Variants in COL6A5 observed in about 807,000 individuals in gnomAD.
COL6A5 encodes collagen type VI alpha 5 chain.
Under a neutral mutation model 65.6 loss-of-function variants are expected in COL6A5, and 48 were observed. The ratio of observed to expected loss-of-function variants is 0.73; its 90% confidence interval spans 0.58 to 0.93. The LOEUF (loss-of-function observed/expected upper bound fraction) is 0.93. Ranked by LOEUF, COL6A5 falls within the 40% of genes least tolerant of loss-of-function variation. The probability of loss-of-function intolerance (pLI) is 0.00; values close to 1 mark genes in which losing one functional copy is unlikely to be tolerated. For synonymous variants in COL6A5, 291 were observed against 322.8 expected (o/e 0.90, Z 1.05); for missense variants, 914 against 928.3 (o/e 0.98, Z 0.20).
exon 1 of COL6A5, chr3:130,431,755 A>G (rs1171748313): frequency 7.1e-6 from 11 of 1,551,490 alleles, no homozygotes; most frequent in African/African-American, 5.5e-5. Context: ...TGGTAATGCA[A>G]TGAGGTTTGT....
chr3:130,409,994 A>G lies in COL6A5; in HGVS notation c.4543-15A>G. On this transcript the variant is annotated splice_polypyrimidine_tract_variant and intron_variant and NMD_transcript_variant, in intron 18 of 41. Coordinates refer to the COL6A5 transcript ENST00000312481. ...ATTTCTGGATTCTAAACTACTTTTAAAAATCTTTCTCTAGGGTAATCCAGG... is the reference window on the plus strand; with the variant it reads ...ATTTCTGGATTCTAAACTACTTTTAGAAATCTTTCTCTAGGGTAATCCAGG... 1 of 1,528,672 alleles carries G rather than the reference A, an allele frequency of 6.5e-7. No individual in the cohort carries two copies. The highest frequency in any genetic ancestry group is 8.9e-7 in the Non-Finnish European group (1 of 1,127,802). 94.7% of individuals were successfully genotyped at this position (1,528,672 alleles called of 1,614,324 possible).
At chr3:130,373,494 T>A in intron 1 of COL6A5, 117 bp from the exon 2 acceptor site, 1 of 607,436 alleles carries the variant, frequency 1.6e-6, no homozygotes, top group Non-Finnish European at 3.0e-6. Context: ...ATAAACACAC[T>A]TGGCACTGCT....
intron 3 of COL6A5, 64 bp from the exon 36 acceptor site, chr3:130,443,412 C>G: frequency 1.6e-6 from 2 of 1,243,852 alleles, no homozygotes; most frequent in Non-Finnish European, 2.3e-6. Context: ...TGTTGGGATT[C>G]TCTTTACCTA....
intron 3 of COL6A5, among the ~76,000 whole-genome samples, chr3:130,443,110 C>T (rs976009252): frequency 1.3e-5 from 2 of 152,164 alleles, no homozygotes; most frequent in Non-Finnish European, 2.9e-5. Flanking sequence ...TACCTTGTCT[C>T]TGTTTGATCC....
At chr3:130,436,889 A>G (rs564230429) in intron 1 of COL6A5, among the ~76,000 whole-genome samples, 3 of 152,206 alleles carry the variant, frequency 2.0e-5, no homozygotes, top group African/African-American at 4.8e-5. Context: ...AGGGTTTTAA[A>G]TGTCCTCAAT....
chr3:130,360,657 A>G (rs981746178), intron 1 of COL6A5, among the ~76,000 whole-genome samples: 7 of 152,114 alleles, frequency 4.6e-5, no homozygotes, highest in Admixed American at 2.0e-4. Flanking sequence ...AAGCAGGCCA[A>G]GTTTGTTCTG....
At chr3:130,462,990 C>T (rs1333166942) in intron 5 of COL6A5, among the ~76,000 whole-genome samples, 2 of 152,100 alleles carry the variant, frequency 1.3e-5, no homozygotes, top group Non-Finnish European at 2.9e-5. Flanking sequence ...AACTCATTCA[C>T]CCTTGCCAAG....
intron 4 of COL6A5, among the ~76,000 whole-genome samples, chr3:130,448,144 A>G (rs534649516): frequency 1.3e-5 from 2 of 152,300 alleles, no homozygotes; most frequent in Admixed American, 6.5e-5. Flanking sequence ...AGATAAACAC[A>G]CAAAGTTTTT....
chr3:130,449,732 C>T (rs987748572), intron 4 of COL6A5, among the ~76,000 whole-genome samples: 9 of 152,124 alleles, frequency 5.9e-5, no homozygotes, highest in African/African-American at 2.2e-4. Context: ...CCCAGGGCCA[C>T]GTGCCTTATC....
chr3:130,401,776 G>C lies in COL6A5; in HGVS notation c.4149G>C (p.Glu1383Asp), dbSNP rs1017862437. ...TTTTCCCCCAGGGAAATATTGCAGA[G>C]AGGACTTGCTGCTGTACATTCTGCA... The change falls in exon 12 of 42, where the codon GAG becomes GAC. Residue 1383 changes from glutamate (E) to aspartate (D), a missense_variant and NMD_transcript_variant. Glu to Asp is a conservative substitution (Grantham distance 45). Coordinates refer to the COL6A5 transcript ENST00000312481. 2.6e-6 allele frequency: 4 copies of C among 1,551,214 alleles called. No individual in the cohort carries two copies. The East Asian group carries it at 7.3e-5, about 28-fold the overall frequency.
chr3:130,390,369 T>G (rs1295102895), intron 6 of COL6A5, among the ~76,000 whole-genome samples: 2 of 152,058 alleles, frequency 1.3e-5, no homozygotes, highest in Non-Finnish European at 2.9e-5. Context: ...TGTCAGAAAA[T>G]TAAAAATTTG....
intron 3 of COL6A5, among the ~76,000 whole-genome samples, chr3:130,378,965 A>G (rs1935887381): frequency 6.6e-6 from 1 of 152,142 alleles, no homozygotes; most frequent in Admixed American, 6.5e-5. Context: ...CTGCTAACTC[A>G]TCCCTGCATC....
rs61750883 is a variant in COL6A5, at chr3:130,431,860, A to T, written c.400A>T (p.Ile134Phe). 3 of 1,551,618 alleles carry T rather than the reference A, an allele frequency of 1.9e-6. No homozygotes were observed. The Admixed American group carries it at 5.9e-5, about 30-fold the overall frequency. Residue 134 changes from isoleucine to phenylalanine, a missense_variant, in exon 1 of 8, where the codon ATC becomes TTC. Physicochemically the swap from Ile to Phe is conservative, Grantham distance 21 (BLOSUM62 0). Coordinates refer to ENST00000512836, the Ensembl canonical transcript of COL6A5. ...TGGTCAAACAGCCAGTAGGTCATCC[A>T]TCATCACGGCCACCATGGAGTTTAG...
Position 130,416,758 on chromosome 3 carries a change from G to A in COL6A5, c.4826G>A (p.Gly1609Asp), listed in dbSNP as rs939050525. The change falls in exon 24 of 42, where the codon GGT becomes GAT. Residue 1609 changes from glycine (G) to aspartate (D), a missense_variant and splice_region_variant and NMD_transcript_variant. Transcript: ENST00000312481. Reference sequence around the variant, plus strand: ...TTTAGTCTCTAATTTTTTTTTCAGGGTTCTCCTGGGCTAATGGGAGCTAAA... The same window carrying A: ...TTTAGTCTCTAATTTTTTTTTCAGGATTCTCCTGGGCTAATGGGAGCTAAA... 2.1e-5 allele frequency: 32 copies of A among 1,525,856 alleles called. No homozygotes were observed. In the South Asian group the frequency reaches 3.6e-4, roughly 17 times the overall value. 94.5% of individuals were successfully genotyped at this position (1,525,856 alleles called of 1,614,324 possible). A position where few individuals can be genotyped will look rare whatever the true frequency, so the allele number is the denominator to read the frequency against.
chr3:130,357,158 C>T (rs578085639), intron 1 of COL6A5, among the ~76,000 whole-genome samples: 1 of 151,758 alleles, frequency 6.6e-6, no homozygotes, highest in African/African-American at 2.4e-5. Context: ...TAGACATAAC[C>T]CTAGAGAGTA....
rs375010737 is a variant in COL6A5 at position 130,400,525 on chromosome 3, G to T, written c.3992-506G>T. 5.3e-5 allele frequency among the ~76,000 whole-genome samples: 8 copies of T among 152,242 alleles called. No individual in the cohort carries two copies. The East Asian group carries it at 1.5e-3, about 29-fold the overall frequency. On this transcript the variant is annotated intron_variant and NMD_transcript_variant, in intron 10 of 41. Transcript: ENST00000312481. ...TGAATTAATGAATGAACTGGATGTG[G>T]TCAGGAGTTCAGCTGAGACAATTGC...
At chr3:130,409,450 T>C in intron 18 of COL6A5, 62 bp downstream of exon 18, 1 of 1,390,746 alleles carries the variant, frequency 7.2e-7, no homozygotes, top group South Asian at 1.4e-5. Flanking sequence ...CCTATCTCCT[T>C]TCCCTTTGTG....
At chr3:130,484,824 A>G in exon 8 of COL6A5, 1 of 398,724 alleles carries the variant, frequency 2.5e-6, no homozygotes. Context: ...AATTTCTAAA[A>G]TAAAAACAAG....
intron 4 of COL6A5, among the ~76,000 whole-genome samples, chr3:130,444,562 C>G (rs1353314256): frequency 6.6e-6 from 1 of 152,150 alleles, no homozygotes; most frequent in Non-Finnish European, 1.5e-5. Flanking sequence ...CGCAACATCT[C>G]TCCCTTTCTT....
Sources: allele counts gnomAD v4.1 joint callset (sites outside exome capture counted in the v4.1 genomes callset), GRCh38; gene constraint gnomAD v4.1.1; transcripts MANE v1.5; gene names NCBI Gene and HGNC (gene_info 2026-07-23, HGNC 2026-07-21).